DST: variants seen among roughly 807,000 people sequenced by gnomAD.
The protein encoded by DST is bullous pemphigoid antigen.
Under a neutral mutation model 875.2 loss-of-function variants are expected in DST, and 253 were observed. That is an observed-to-expected ratio of 0.29 (90% CI 0.26 to 0.32). The LOEUF (loss-of-function observed/expected upper bound fraction) is 0.32. DST is among the 10% of genes least tolerant of loss of function. The probability of loss-of-function intolerance (pLI) is 1.00; values close to 1 mark genes in which losing one functional copy is unlikely to be tolerated. For missense variants in DST, 8,287 were observed against 9,111.6 expected (o/e 0.91, Z 3.68); for synonymous variants, 3,124 against 3,197.1 (o/e 0.98, Z 0.77).
Position 56,634,847 on chromosome 6 carries a change from T to C in DST, c.3293A>G (p.Lys1098Arg), listed in dbSNP as rs755235189. ...GATAGCTTTGATCGGAATAGAAGTTTTGAGTGGACAGTCAGAATTCCTTGG... is the reference window on the plus strand; with the variant it reads ...GATAGCTTTGATCGGAATAGAAGTTCTGAGTGGACAGTCAGAATTCCTTGG... ...LKPRNSDCPL[K>R]TSIPIKAICD... Residue 1098 changes from lysine (K) to arginine (R), a missense_variant, in exon 25 of 104, where the codon AAA (lysine) becomes AGA (arginine). By Grantham distance (26) the Lys-to-Arg change is conservative. Transcript: ENST00000680361. 6.2e-7 allele frequency: 1 copy of C among 1,614,072 alleles called. No homozygotes were observed. The highest frequency in any genetic ancestry group is 8.5e-7 in the Non-Finnish European group (1 of 1,180,012).
intron 5 of DST, among the ~76,000 whole-genome samples, chr6:56,727,702 T>G (rs925392392): frequency 1.3e-5 from 2 of 152,206 alleles, no homozygotes; most frequent in African/African-American, 4.8e-5. Context: ...ATAGAGTATA[T>G]GAGGGAATGC....
intron 5 of DST, among the ~76,000 whole-genome samples, chr6:56,719,905 C>T (rs192635441): frequency 1.3e-5 from 2 of 152,244 alleles, no homozygotes; most frequent in East Asian, 3.9e-4. Flanking sequence ...TAGAATATCA[C>T]AAGGCAAATG....
At chr6:56,561,691 T>A (rs1187859726) in intron 56 of DST, 142 bp from the exon 57 acceptor site, 1 of 746,410 alleles carries the variant, frequency 1.3e-6, no homozygotes, top group Non-Finnish European at 2.0e-6. Context: ...CATAAGCTTT[T>A]CAGAAATAAA....
chr6:56,602,763 A>G, intron 43 of DST, 119 bp downstream of exon 43: 1 of 715,892 alleles, frequency 1.4e-6, no homozygotes, highest in South Asian at 3.7e-5. Flanking sequence ...ACATCTCTAG[A>G]GACAAAGAAA....
chr6:56,533,284 A>G (rs1390738709), intron 63 of DST, among the ~76,000 whole-genome samples: 1 of 152,234 alleles, frequency 6.6e-6, no homozygotes, highest in South Asian at 2.1e-4. Context: ...ATCTAATCAA[A>G]CAAATGGCTC....
chr6:56,865,819 G>T (rs1773738309), intron 3 of DST, among the ~76,000 whole-genome samples: 1 of 152,132 alleles, frequency 6.6e-6, no homozygotes, highest in African/African-American at 2.4e-5. Flanking sequence ...CTGCCACAAT[G>T]TCTGAAATGT....
intron 4 of DST, among the ~76,000 whole-genome samples, chr6:56,832,527 C>T (rs189648518): frequency 5.9e-5 from 9 of 152,082 alleles, no homozygotes; most frequent in Admixed American, 5.9e-4. Context: ...GTAAGTCCAA[C>T]CTCTTTATTT....
intron 90 of DST, among the ~76,000 whole-genome samples, chr6:56,479,342 C>T (rs920400724): frequency 1.3e-5 from 2 of 152,032 alleles, no homozygotes; most frequent in African/African-American, 2.4e-5. Flanking sequence ...TAAATTAGTT[C>T]GATGCCTATG....
intron 5 of DST, among the ~76,000 whole-genome samples, chr6:56,732,090 C>T (rs1216780275): frequency 6.6e-6 from 1 of 152,066 alleles, no homozygotes; most frequent in African/African-American, 2.4e-5. Flanking sequence ...TTTCATGTTC[C>T]TAATTTTAAT....
intron 3 of DST, among the ~76,000 whole-genome samples, chr6:56,876,398 C>T (rs1210676119): frequency 6.6e-6 from 1 of 152,162 alleles, no homozygotes; most frequent in African/African-American, 2.4e-5. Flanking sequence ...AACTCTGAGA[C>T]CTCTCACTGT....
At chr6:56,898,519 C>T (rs1310262669) in intron 3 of DST, among the ~76,000 whole-genome samples, 3 of 152,204 alleles carry the variant, frequency 2.0e-5, no homozygotes, top group Admixed American at 1.3e-4. Context: ...ATTAGCTAGA[C>T]TCCTGGCAAG....
rs1300007199 is a variant in DST at position 56,462,503 on chromosome 6, T to C, written c.23070+543A>G. Among the ~76,000 whole-genome samples, 3 of 152,302 alleles carry C rather than the reference T, an allele frequency of 2.0e-5. No individual in the cohort carries two copies. The East Asian group carries it at 5.8e-4, about 29-fold the overall frequency. On this transcript the variant is annotated intron_variant, in intron 102 of 103. Coordinates refer to ENST00000680361, the MANE Select transcript of DST (RefSeq NM_001374736.1). ...TACCCCTCTGACCCCCCTGCACTGATACTGAGAGCTTATGTCACACCTGCC... is the reference window on the plus strand; with the variant it reads ...TACCCCTCTGACCCCCCTGCACTGACACTGAGAGCTTATGTCACACCTGCC...
chr6:56,685,074 C>T (rs898245955), intron 9 of DST, among the ~76,000 whole-genome samples: 2 of 138,182 alleles, frequency 1.4e-5, no homozygotes, highest in African/African-American at 2.7e-5. Flanking sequence ...CTCTCAATAA[C>T]GCTTTTGAAA....
intron 99 of DST, among the ~76,000 whole-genome samples, chr6:56,465,571 G>T (rs1486510610): frequency 6.6e-6 from 1 of 152,036 alleles, no homozygotes; most frequent in Non-Finnish European, 1.5e-5. Flanking sequence ...TATTTTTAAT[G>T]TTCTAATCTG....
intron 4 of DST, among the ~76,000 whole-genome samples, chr6:56,800,382 T>C (rs1466918389): frequency 1.3e-5 from 2 of 152,248 alleles, no homozygotes; most frequent in South Asian, 2.1e-4. Flanking sequence ...TTCTTAACTG[T>C]ACATAGTAAT....
At chr6:56,498,259 A>C (rs1425277978) in intron 80 of DST, among the ~76,000 whole-genome samples, 1 of 152,120 alleles carries the variant, frequency 6.6e-6, no homozygotes, top group Non-Finnish European at 1.5e-5. Context: ...CTGCAACCTC[A>C]ACACCTGGGC....
chr6:56,579,719 T>A (rs1262301711), intron 49 of DST, among the ~76,000 whole-genome samples: 1 of 152,074 alleles, frequency 6.6e-6, no homozygotes, highest in Non-Finnish European at 1.5e-5. Context: ...GAGAGTCCCA[T>A]CCAGTTTGAC....
At chr6:56,592,901 C>A (rs553993445) in intron 48 of DST, among the ~76,000 whole-genome samples, 3 of 151,650 alleles carry the variant, frequency 2.0e-5, no homozygotes, top group African/African-American at 7.3e-5. Context: ...CAAAAAAAAC[C>A]TTTTACTTGA....
At chr6:56,836,555 A>C (rs1261223015) in intron 4 of DST, among the ~76,000 whole-genome samples, 1 of 152,232 alleles carries the variant, frequency 6.6e-6, no homozygotes, top group African/African-American at 2.4e-5. Flanking sequence ...GTTTATGTAG[A>C]AAATAAACAA....
Sources: gnomAD v4.1 joint callset for allele counts (sites outside exome capture counted in the v4.1 genomes callset) on GRCh38, gnomAD v4.1.1 for gene constraint, MANE v1.5 for transcripts, NCBI Gene and HGNC (gene_info 2026-07-23, HGNC 2026-07-21) for gene names.